CD96: variants seen among roughly 807,000 people sequenced by gnomAD.
The protein encoded by CD96 is T-cell surface protein tactile.
In CD96, 70 loss-of-function variants were observed where a neutral mutation model predicts 71.3. The ratio of observed to expected loss-of-function variants is 0.98; its 90% CI spans 0.81 to 1.20. The LOEUF is 1.20. Ranked by LOEUF, CD96 falls within the 50% of genes most tolerant of loss-of-function variation. The pLI is 0.00. For synonymous variants in CD96, 248 were observed against 233.0 expected (o/e 1.06, Z -0.59); for missense variants, 742 against 677.5 (o/e 1.10, Z -1.06).
intron 10 of CD96, among the ~76,000 whole-genome samples, chr3:111,626,723 A>G (rs983205965): frequency 6.6e-6 from 1 of 152,220 alleles, no homozygotes; most frequent in Non-Finnish European, 1.5e-5. Flanking sequence ...GTAGTATACT[A>G]ATAAAATATA....
intron 7 of CD96, among the ~76,000 whole-genome samples, chr3:111,604,948 G>T (rs1317018387): frequency 6.6e-6 from 1 of 152,156 alleles, no homozygotes; most frequent in African/African-American, 2.4e-5. Flanking sequence ...GCCATAGTTT[G>T]CCAACCTCTA....
At chr3:111,640,585 C>G (rs1559773466) in intron 12 of CD96, among the ~76,000 whole-genome samples, 2 of 152,202 alleles carry the variant, frequency 1.3e-5, no homozygotes, top group Non-Finnish European at 2.9e-5. Flanking sequence ...TCAAGGAAAA[C>G]TTCCCCAGCC....
intron 8 of CD96, among the ~76,000 whole-genome samples, chr3:111,610,576 G>T (rs914187915): frequency 1.3e-5 from 2 of 152,210 alleles, no homozygotes; most frequent in Non-Finnish European, 2.9e-5. Context: ...GAGGGGAGGA[G>T]AACTTAATAA....
At chr3:111,549,099 T>G (rs1488320918) in intron 2 of CD96, among the ~76,000 whole-genome samples, 6 of 152,270 alleles carry the variant, frequency 3.9e-5, no homozygotes, top group Non-Finnish European at 8.8e-5. Flanking sequence ...AAAGACTTTC[T>G]TTACTTTGTC....
chr3:111,569,755 T>C (rs774555370), intron 3 of CD96, among the ~76,000 whole-genome samples: 1 of 152,236 alleles, frequency 6.6e-6, no homozygotes, highest in Non-Finnish European at 1.5e-5. Flanking sequence ...GAGCTTCTCC[T>C]GGACAAAAAG....
At chr3:111,609,303 G>T (rs1559754340) in intron 8 of CD96, among the ~76,000 whole-genome samples, 1 of 152,122 alleles carries the variant, frequency 6.6e-6, no homozygotes, top group Non-Finnish European at 1.5e-5. Context: ...GACTCCAAAT[G>T]CTATCCTTTA....
At chr3:111,566,140 T>C (rs1306380773) in intron 2 of CD96, among the ~76,000 whole-genome samples, 1 of 151,220 alleles carries the variant, frequency 6.6e-6, no homozygotes, top group East Asian at 1.9e-4. Flanking sequence ...TTTATTTTGA[T>C]GGACTAATAC....
At chr3:111,610,407 G>T (rs1459435376) in intron 8 of CD96, among the ~76,000 whole-genome samples, 1 of 152,208 alleles carries the variant, frequency 6.6e-6, no homozygotes, top group Non-Finnish European at 1.5e-5. Context: ...TTCAAAGGCT[G>T]TGGTTTCATT....
chr3:111,584,452 C>T (rs1240863671), intron 4 of CD96, among the ~76,000 whole-genome samples: 2 of 152,220 alleles, frequency 1.3e-5, no homozygotes, highest in Non-Finnish European at 1.5e-5. Context: ...CAACACTCGA[C>T]TGTACTGGTA....
intron 12 of CD96, among the ~76,000 whole-genome samples, chr3:111,646,573 G>T (rs1332554038): frequency 6.6e-6 from 1 of 151,760 alleles, no homozygotes; most frequent in Non-Finnish European, 1.5e-5. Flanking sequence ...ACTGATGCAG[G>T]TGAGGATGTG....
At chr3:111,624,291 T>C (rs775829838) in intron 9 of CD96, 42 bp from the exon 10 acceptor site, 5 of 1,344,878 alleles carry the variant, frequency 3.7e-6, no homozygotes, top group East Asian at 2.3e-5. Context: ...AAATTACAGC[T>C]TTCGAAAAAA....
At chr3:111,609,834 G>A (rs779907720) in intron 8 of CD96, among the ~76,000 whole-genome samples, 5 of 152,132 alleles carry the variant, frequency 3.3e-5, no homozygotes, top group Non-Finnish European at 7.4e-5. Flanking sequence ...TAGATAAGTG[G>A]TTGTCAACCA....
At chr3:111,645,255 T>C (rs1939775409) in intron 12 of CD96, among the ~76,000 whole-genome samples, 1 of 152,090 alleles carries the variant, frequency 6.6e-6, no homozygotes, top group Admixed American at 6.6e-5. Context: ...TTATTCTAAG[T>C]GACGTAACTC....
intron 6 of CD96, 71 bp downstream of exon 6, chr3:111,598,281 A>C (rs185250041): frequency 1.2e-4 from 94 of 779,200 alleles, no homozygotes; most frequent in Admixed American, 1.1e-3. Context: ...AGAAATTGTC[A>C]TTGCCCAAGT....
chr3:111,556,461 T>G (rs1935050259), intron 2 of CD96, among the ~76,000 whole-genome samples: 1 of 119,660 alleles, frequency 8.4e-6, no homozygotes, highest in Non-Finnish European at 1.7e-5. Flanking sequence ...GGTGTTTGGT[T>G]TTTTGTTCTT....
In CD96 at chr3:111,600,785, GT is replaced by G. The variant is rs1157437307; in HGVS notation, c.962del (p.Leu321Ter). 6.2e-7 allele frequency: 1 copy of G among 1,613,544 alleles called. No individual in the cohort carries two copies. On this transcript the variant is annotated frameshift_variant, in exon 7 of 14. Transcript: ENST00000352690. LOFTEE classifies it high-confidence loss of function. Reference sequence around the variant, plus strand: ...AGATGGATTTTTGGAACTGAAGTCTGTTTTAACAAGGGTACATAGTAATAAA... The same window carrying G: ...AGATGGATTTTTGGAACTGAAGTCTGTTTAACAAGGGTACATAGTAATAAA... Reference protein sequence around the residue: ...GKDGFLELKSVLTRVHSNKPA... With the variant: ...GKDGFLELKSXLTRVHSNKPA...
At chr3:111,635,050 A>G (rs1446307395) in intron 10 of CD96, 1 of 153,416 alleles carries the variant, frequency 6.5e-6, no homozygotes, top group African/African-American at 2.4e-5. Flanking sequence ...GTTTCATCAA[A>G]AGATGAATCA....
chr3:111,570,375 C>T (rs1403031473), intron 3 of CD96, among the ~76,000 whole-genome samples: 1 of 152,082 alleles, frequency 6.6e-6, no homozygotes, highest in Non-Finnish European at 1.5e-5. Context: ...GAGAGGAGTC[C>T]TTGGGATCAA....
At chr3:111,562,003 C>G (rs528761525) in intron 2 of CD96, among the ~76,000 whole-genome samples, 1 of 151,964 alleles carries the variant, frequency 6.6e-6, no homozygotes, top group African/African-American at 2.4e-5. Context: ...TTCTTTGACT[C>G]GGAAAGGGAA....
Sources: allele counts gnomAD v4.1 joint callset (sites outside exome capture counted in the v4.1 genomes callset), GRCh38; gene constraint gnomAD v4.1.1; transcripts MANE v1.5; gene names NCBI Gene and HGNC (gene_info 2026-07-23, HGNC 2026-07-21).